PDSS2: variants seen among roughly 807,000 people sequenced by gnomAD.
PDSS2 encodes decaprenyl diphosphate synthase subunit 2.
In PDSS2, 31 loss-of-function variants were observed where a neutral mutation model predicts 44.5. The observed-to-expected ratio is 0.70, with a 90% CI of 0.52 to 0.94. PDSS2 has a LOEUF of 0.94. Ranked by LOEUF, PDSS2 falls within the 40% of genes least tolerant of loss-of-function variation. PDSS2 has a pLI of 0.00. For missense variants in PDSS2, 452 were observed against 482.2 expected (o/e 0.94, Z 0.59); for synonymous variants, 157 against 180.3 (o/e 0.87, Z 1.03).
In PDSS2 at chr6:107,457,180, G is replaced by A. The variant is rs117004384; in HGVS notation, c.296+1810C>T. Among the ~76,000 whole-genome samples the A allele has an allele frequency of 3.8e-3, 584 of 152,222 alleles. 27 individuals carry two copies. The East Asian group carries it at 0.099, about 26-fold the overall frequency. On this transcript the variant is annotated intron_variant, in intron 1 of 7. Coordinates refer to ENST00000369037, the MANE Select transcript of PDSS2 (RefSeq NM_020381.4). ...AGGTGCCTCGAAAAATTAAAGCAAG[G>A]GGTGGGTAAGGGAAGTGAGTGTGGC... is the stretch of plus-strand genomic sequence containing the variant.
chr6:107,405,862 A>G (rs985706361), intron 1 of PDSS2, among the ~76,000 whole-genome samples: 156 of 151,936 alleles, frequency 1.0e-3, no homozygotes, highest in African/African-American at 3.5e-3. Context: ...AAAAAAAAAA[A>G]AAAAGATACA....
At chr6:107,395,727 T>G (rs758685399) in intron 1 of PDSS2, among the ~76,000 whole-genome samples, 7 of 152,188 alleles carry the variant, frequency 4.6e-5, no homozygotes, top group Admixed American at 1.3e-4. Flanking sequence ...CCATTATTTC[T>G]GTTTTCAGGT....
At chr6:107,360,158 T>C (rs1314524933) in intron 1 of PDSS2, among the ~76,000 whole-genome samples, 1 of 152,220 alleles carries the variant, frequency 6.6e-6, no homozygotes, top group Non-Finnish European at 1.5e-5. Context: ...TGTGAAGGTT[T>C]ATTATACTGG....
At chr6:107,402,798 G>A (rs1390191926) in intron 1 of PDSS2, among the ~76,000 whole-genome samples, 1 of 151,766 alleles carries the variant, frequency 6.6e-6, no homozygotes, top group Non-Finnish European at 1.5e-5. Context: ...TCACTATCAC[G>A]AGAATAGCAT....
chr6:107,237,236 TTTA>T (rs1420831821), intron 4 of PDSS2, among the ~76,000 whole-genome samples: 1 of 144,340 alleles, frequency 6.9e-6, no homozygotes, highest in East Asian at 1.9e-4. Flanking sequence ...CCTGGCCTCT[TTTA>T]TTTATTTATT....
intron 1 of PDSS2, among the ~76,000 whole-genome samples, chr6:107,364,658 G>A (rs1218708921): frequency 1.3e-5 from 2 of 152,166 alleles, no homozygotes; most frequent in African/African-American, 4.8e-5. Context: ...GAGGGAGTGG[G>A]CTCCAGCCTT....
intron 1 of PDSS2, among the ~76,000 whole-genome samples, chr6:107,432,391 T>G (rs1167489642): frequency 6.6e-6 from 1 of 152,240 alleles, no homozygotes; most frequent in Non-Finnish European, 1.5e-5. Flanking sequence ...TTATGGGATA[T>G]TGATGCATGA....
In PDSS2 at chr6:107,176,276, A is replaced by G. The variant is rs369952372; in HGVS notation, c.1041+17546T>C. 2.6e-5 allele frequency among the ~76,000 whole-genome samples: 4 copies of G among 152,226 alleles called. No individual in the cohort carries two copies. In the East Asian group the frequency reaches 7.7e-4, roughly 29 times the overall value. On this transcript the variant is annotated intron_variant, in intron 7 of 7. Coordinates refer to ENST00000369037, the MANE Select transcript of PDSS2 (RefSeq NM_020381.4). ...AGGCTGATCTCAAACTCCCGACCTC[A>G]GGTGATCTGCCGGCCTCAGTCTTCC...
chr6:107,457,531 C>A (rs1782083262), intron 1 of PDSS2, among the ~76,000 whole-genome samples: 1 of 152,182 alleles, frequency 6.6e-6, no homozygotes, highest in Non-Finnish European at 1.5e-5. Flanking sequence ...AGGGTAGCAT[C>A]CCTGGCCTCT....
At chr6:107,229,775 T>C (rs555328485) in intron 4 of PDSS2, 1 of 152,392 alleles carries the variant, frequency 6.6e-6, no homozygotes, top group South Asian at 2.1e-4. Flanking sequence ...ATGGTAACTA[T>C]CTGGTCCAGG....
In PDSS2 at chr6:107,387,797, A is replaced by G. The variant is rs75379400; in HGVS notation, c.297-53465T>C. On this transcript the variant is annotated intron_variant, in intron 1 of 7. Coordinates refer to ENST00000369037, the MANE Select transcript of PDSS2 (RefSeq NM_020381.4). Reference sequence around the variant, plus strand: ...AAGTTGCAATGATTTCATTTTCTCCATCTCTTGAGATGCTAGGAAAGGTCC... The same window carrying G: ...AAGTTGCAATGATTTCATTTTCTCCGTCTCTTGAGATGCTAGGAAAGGTCC... 7.6e-3 allele frequency among the ~76,000 whole-genome samples: 1,157 copies of G among 152,324 alleles called. 14 individuals carry two copies. The highest frequency in any genetic ancestry group is 0.011 in the Non-Finnish European group (782 of 68,030).
intron 2 of PDSS2, among the ~76,000 whole-genome samples, chr6:107,282,800 C>T (rs1386774616): frequency 2.1e-5 from 3 of 144,682 alleles, no homozygotes; most frequent in African/African-American, 7.8e-5. Context: ...ACCTGGGAGG[C>T]GGAGCTTGCA....
At chr6:107,374,013 G>A (rs1485084489) in intron 1 of PDSS2, among the ~76,000 whole-genome samples, 1 of 152,088 alleles carries the variant, frequency 6.6e-6, no homozygotes, top group Non-Finnish European at 1.5e-5. Context: ...CAGAACTTTG[G>A]GAGGCCGAGG....
chr6:107,458,412 C>CAAATAAAAAAAA (rs1782120667), intron 1 of PDSS2, among the ~76,000 whole-genome samples: 1 of 78,182 alleles, frequency 1.3e-5, no homozygotes, highest in African/African-American at 6.4e-5. Context: ...GACTCCGTCT[C>CAAATAAAAAAAA]AAAAAAAAAA....
At chr6:107,225,174 T>A (rs1263762135) in intron 4 of PDSS2, among the ~76,000 whole-genome samples, 1,457 of 86,598 alleles carry the variant, frequency 0.017, 134 homozygotes, top group African/African-American at 0.092. Flanking sequence ...TTTTTTTTTT[T>A]TTTTTTTTTT....
chr6:107,387,271 T>A (rs978981627), intron 1 of PDSS2, among the ~76,000 whole-genome samples: 14 of 152,208 alleles, frequency 9.2e-5, no homozygotes, highest in African/African-American at 3.1e-4. Flanking sequence ...GGTGCACCTG[T>A]AGCCTCTGAC....
chr6:107,340,454 TC>T (rs573399329), intron 1 of PDSS2, among the ~76,000 whole-genome samples: 51 of 152,314 alleles, frequency 3.3e-4, no homozygotes, highest in Non-Finnish European at 6.6e-4. Context: ...CATTCCTTCA[TC>T]CAATCCTGTA....
At chr6:107,173,012 T>C (rs1415256867) in intron 7 of PDSS2, among the ~76,000 whole-genome samples, 1 of 150,958 alleles carries the variant, frequency 6.6e-6, no homozygotes, top group African/African-American at 2.4e-5. Flanking sequence ...TTGTCCCAGC[T>C]ACTGGGGAGG....
chr6:107,375,836 C>T (rs542240323), intron 1 of PDSS2, among the ~76,000 whole-genome samples: 118 of 152,208 alleles, frequency 7.8e-4, no homozygotes, highest in Admixed American at 7.9e-4. Flanking sequence ...TACACCATGA[C>T]CAAGTACAGT....
Sources: allele counts gnomAD v4.1 joint callset (sites outside exome capture counted in the v4.1 genomes callset), GRCh38; gene constraint gnomAD v4.1.1; transcripts MANE v1.5; gene names NCBI Gene and HGNC (gene_info 2026-07-23, HGNC 2026-07-21).